The following AMPD2 variants were observed in gnomAD, a reference collection of about 807,000 sequenced individuals.
The protein encoded by AMPD2 is AMP deaminase 2.
AMPD2 carries 52 observed loss-of-function variants against 91.3 expected under a neutral mutation model. The observed-to-expected ratio is 0.57, with a 90% CI of 0.46 to 0.72. AMPD2 has a LOEUF of 0.72. Among genes scored for constraint, AMPD2 ranks in the 30% least tolerant of loss-of-function variants. The probability of loss-of-function intolerance (pLI) is 0.00; values close to 1 mark genes in which losing one functional copy is unlikely to be tolerated. For missense variants in AMPD2, 822 were observed against 1,122.3 expected (o/e 0.73, Z 3.82); for synonymous variants, 455 against 456.4 (o/e 1.00, Z 0.04).
At position 109,624,999 on chromosome 1, in the gene AMPD2, GAGATTCT is replaced by G. The variant is rs1485027892; in HGVS notation, c.92-303_92-297del. Among the ~76,000 whole-genome samples, 1 of 152,154 alleles carries G rather than the reference GAGATTCT, an allele frequency of 6.6e-6. No homozygotes were observed. Among genetic ancestry groups the G allele is most frequent in the East Asian group, 1.9e-4 (1 of 5,182 alleles). ...CCTGCCTCTGGGAGGTAGTCACGTG[GAGATTCT>G]CATGGCCTGAGGGATCAGGCTCTAG... On this transcript the variant is annotated intron_variant, in intron 2 of 18. Transcript: ENST00000528667. This position sits in a 1 kb window ranked among gnomAD's most constrained non-coding sequence, Gnocchi z 5.2.
chr1:109,620,002 T>A lies in AMPD2; in HGVS notation c.-539T>A, dbSNP rs1650110198. ...CCCGCTCCCTTGGGAGCACGTGGCC[T>A]ACCAGCCTCTCGATTGCAGGGTTGG... On this transcript the variant is annotated 5_prime_UTR_variant, in exon 1 of 19. Transcript: ENST00000528667. The A allele has an allele frequency of 1.9e-6, 1 of 521,208 alleles. No individual in the cohort carries two copies. The highest frequency in any genetic ancestry group is 3.5e-6 in the Non-Finnish European group (1 of 285,064). 32.3% of individuals were successfully genotyped at this position (521,208 alleles called of 1,614,324 possible).
In AMPD2 at chr1:109,626,850, T is replaced by A; in HGVS notation, c.656T>A (p.Leu219Gln). ...ACCACCCGCCGCTACCTGCAGCAGC[T>A]GGCTGAAAAGCCTCTGGAGACCCGG... ...CPTTRRYLQQ[L>Q]AEKPLETRTY... The change falls in exon 7 of 19, where the codon CTG becomes CAG. Residue 219 changes from leucine (L) to glutamine (Q), a missense_variant. Physicochemically the swap from Leu to Gln is moderately radical, Grantham distance 113. This residue lies in a region of AMPD2 where 240 missense variants were observed against 270.3 expected (regional missense o/e 0.89). Transcript: ENST00000528667. 5 of 1,613,926 alleles carry A rather than the reference T, an allele frequency of 3.1e-6. No homozygotes were observed. Among genetic ancestry groups the A allele is most frequent in the Non-Finnish European group, 4.2e-6 (5 of 1,179,918 alleles).
chr1:109,628,364 G>T lies in AMPD2; in HGVS notation c.1276G>T (p.Asp426Tyr). Residue 426 changes from aspartate (D) to tyrosine (Y), a missense_variant and splice_region_variant, in exon 12 of 19, where the codon GAC becomes TAC. Physicochemically the swap from Asp to Tyr is radical, Grantham distance 160. Coordinates refer to ENST00000528667, the MANE Select transcript of AMPD2 (RefSeq NM_001368809.2). The surrounding 1 kb of genome is among the most constrained non-coding windows in gnomAD (Gnocchi z 7.1). ...LSVDTLDVHA[D>Y]RNTFHRFDKF... ...ACCTGAGCCTTCCCATGTCCCCCAG[G>T]ACAGGAACACTTTCCATCGCTTTGA... 1 of 1,614,064 alleles carries T rather than the reference G, an allele frequency of 6.2e-7. No individual in the cohort carries two copies.
Position 109,625,956 on chromosome 1 carries a change from C to G in AMPD2, c.353+164C>G, listed in dbSNP as rs1001539693. The stretch of plus-strand genomic sequence containing the variant: ...GCTGGGTTCTGTTCTGTCTTCTAGC[C>G]GCCGGTGTGGCTGGGTCATGTTGCT... On this transcript the variant is annotated intron_variant, in intron 4 of 18. Coordinates refer to ENST00000528667, the MANE Select transcript of AMPD2 (RefSeq NM_001368809.2). The surrounding 1 kb of genome is among the most constrained non-coding windows in gnomAD (Gnocchi z 4.0). 1 of 1,251,422 alleles carries G rather than the reference C, an allele frequency of 8.0e-7. No individual in the cohort carries two copies. Among genetic ancestry groups the G allele is most frequent in the Non-Finnish European group, 1.1e-6 (1 of 901,120 alleles). The allele number at this position is 1,251,422 out of a possible 1,614,324, so 77.5% of individuals were successfully genotyped here. A position where few individuals can be genotyped will look rare whatever the true frequency, so the allele number is the denominator to read the frequency against.
Position 109,630,345 on chromosome 1 carries a change from T to C in AMPD2, c.2096T>C (p.Leu699Pro), listed in dbSNP as rs1651109697. 3.1e-6 allele frequency: 5 copies of C among 1,613,978 alleles called. No homozygotes were observed. The highest frequency in any genetic ancestry group is 4.2e-6 in the Non-Finnish European group (5 of 1,179,986). ...CACCGGAATCCGCTACCGGAGTACC[T>C]GTCCCGCGGCCTCATGGTCTCCCTG... Reference protein sequence around the residue: ...SYHRNPLPEYLSRGLMVSLST... With the variant: ...SYHRNPLPEYPSRGLMVSLST... The change falls in exon 17 of 19, where the codon CTG becomes CCG. Residue 699 changes from leucine to proline, a missense_variant. Around this residue, in one of 5 missense-constraint regions of AMPD2, gnomAD observed 430 missense variants for 606.0 expected, o/e 0.71. Transcript: ENST00000528667.
Position 109,625,625 on chromosome 1 carries a change from A to C in AMPD2, c.223-37A>C. ...TCTGTAGGAGAGTGCCCGAGGGCGG[A>C]GGGCCAGCCATGCTGACCTTCCTTC... is the stretch of plus-strand genomic sequence containing the variant. On this transcript the variant is annotated intron_variant, in intron 3 of 18. Coordinates refer to ENST00000528667, the MANE Select transcript of AMPD2 (RefSeq NM_001368809.2). The surrounding 1 kb of genome is among the most constrained non-coding windows in gnomAD (Gnocchi z 4.0). 6.2e-7 allele frequency: 1 copy of C among 1,609,942 alleles called. No individual in the cohort carries two copies. Among genetic ancestry groups the C allele is most frequent in the East Asian group, 2.2e-5 (1 of 44,746 alleles).
chr1:109,627,355 G>C (rs745451907), intron 8 of AMPD2, 39 bp downstream of exon 8: 1 of 1,612,286 alleles, frequency 6.2e-7, no homozygotes, highest in East Asian at 2.2e-5. Context: ...GATGCAGCGT[G>C]GGAGGTTGCG....
rs1399546877 is a variant in AMPD2, at chr1:109,630,708, TC to T, written c.2184del (p.Ile728MetfsTer23). The T allele has an allele frequency of 1.2e-6, 2 of 1,612,344 alleles. No homozygotes were observed. Among genetic ancestry groups the T allele is most frequent in the Non-Finnish European group, 1.7e-6 (2 of 1,179,594 alleles). The part of the protein sequence containing the change: ...TKEPLMEEYS[I>X]ATQVWKLSSC... Reference sequence around the variant, plus strand: ...GAGCCGCTGATGGAGGAGTACAGCATCGCCACCCAGGTGTGGAAGCTCAGCT... The same window carrying T: ...GAGCCGCTGATGGAGGAGTACAGCATGCCACCCAGGTGTGGAAGCTCAGCT... On this transcript the variant is annotated frameshift_variant, in exon 18 of 19. Transcript: ENST00000528667. LOFTEE classifies it high-confidence loss of function.
rs1650631203 is a variant in AMPD2 at position 109,625,871 on chromosome 1, C to G, written c.353+79C>G. ...CAGAGCCCCTTTTCTGCCTCTTTCC[C>G]TCGCACCCTGCCTTGGGGGGTCTGC... On this transcript the variant is annotated intron_variant, in intron 4 of 18. Transcript: ENST00000528667. The surrounding 1 kb of genome is among the most constrained non-coding windows in gnomAD (Gnocchi z 4.0). 1 of 1,578,698 alleles carries G rather than the reference C, an allele frequency of 6.3e-7. No individual in the cohort carries two copies. The highest frequency in any genetic ancestry group is 1.3e-5 in the African/African-American group (1 of 74,284).
chr1:109,622,803 C>T (rs1015247834), intron 2 of AMPD2, among the ~76,000 whole-genome samples: 3 of 152,046 alleles, frequency 2.0e-5, no homozygotes, highest in African/African-American at 7.2e-5. Flanking sequence ...CTCCTGCTGA[C>T]CCAATATGAA....
chr1:109,622,143 A>G, intron 2 of AMPD2: 1 of 454,064 alleles, frequency 2.2e-6, no homozygotes, highest in Non-Finnish European at 4.4e-6. Context: ...CTGTAGCTAT[A>G]GCCCAAGTAT....
Position 109,626,768 on chromosome 1 carries a change from C to T in AMPD2, c.574C>T (p.Arg192Trp), listed in dbSNP as rs762910071. 7.4e-6 allele frequency: 12 copies of T among 1,613,820 alleles called. No homozygotes were observed. The highest frequency in any genetic ancestry group is 3.3e-5 in the South Asian group (3 of 91,080). Residue 192 changes from arginine (R) to tryptophan (W), a missense_variant, in exon 7 of 19, where the codon CGG becomes TGG. Physicochemically the swap from Arg to Trp is moderately radical, Grantham distance 101 (BLOSUM62 -3). Transcript: ENST00000528667. ...DLLDAAKSVVRALFIREKYMA... is the reference protein window; with the variant it reads ...DLLDAAKSVVWALFIREKYMA... ...GCTGGATGCAGCCAAGAGTGTGGTGCGGGCGCTCTTCATCCGGGAGAAGTA... is the reference window on the plus strand; with the variant it reads ...GCTGGATGCAGCCAAGAGTGTGGTGTGGGCGCTCTTCATCCGGGAGAAGTA...
In AMPD2 at chr1:109,620,210, C is replaced by T; in HGVS notation, c.-331C>T. 5 of 1,613,626 alleles carry T rather than the reference C, an allele frequency of 3.1e-6. No homozygotes were observed. Among genetic ancestry groups the T allele is most frequent in the Non-Finnish European group, 2.5e-6 (3 of 1,179,588 alleles). The stretch of plus-strand genomic sequence containing the variant: ...CCGATCCCCCTGCCGTCCCTCAGGA[C>T]CCGGGCTTTCTGCTGTACAGACTTC... On this transcript the variant is annotated 5_prime_UTR_variant, in exon 1 of 19. Transcript: ENST00000528667.
At chr1:109,622,507 C>G (rs539871078) in intron 2 of AMPD2, among the ~76,000 whole-genome samples, 149 of 152,302 alleles carry the variant, frequency 9.8e-4, no homozygotes, top group Non-Finnish European at 1.7e-3. Context: ...GCAGCCCACT[C>G]TGGCTTTTGC....
Position 109,627,336 on chromosome 1 carries a change from T to C in AMPD2, c.860+20T>C, listed in dbSNP as rs1650787058. ...CGAGCAGTAAGAGGGGTGTGGTGCA[T>C]GTTGGGGGGATGCAGCGTGGGAGGT... On this transcript the variant is annotated intron_variant, in intron 8 of 18. Transcript: ENST00000528667. 1.9e-6 allele frequency: 3 copies of C among 1,609,718 alleles called. No individual in the cohort carries two copies. The highest frequency in any genetic ancestry group is 2.5e-6 in the Non-Finnish European group (3 of 1,177,120).
rs557313272 is a variant in AMPD2, at chr1:109,624,790, C to T, written c.92-513C>T. On this transcript the variant is annotated intron_variant, in intron 2 of 18. Transcript: ENST00000528667. This position sits in a 1 kb window ranked among gnomAD's most constrained non-coding sequence, Gnocchi z 5.2. ...CAGGTCTAGGATGTCAGGCACAGGG[C>T]CCTGCCCCTTTGAGTGGAGAATCTG... Among the ~76,000 whole-genome samples the T allele has an allele frequency of 6.6e-6, 1 of 152,298 alleles. No homozygotes were observed. Among genetic ancestry groups the T allele is most frequent in the Admixed American group, 6.5e-5 (1 of 15,304 alleles).
At chr1:109,620,430 T>A in intron 1 of AMPD2, 152 bp downstream of exon 1, 1 of 1,354,754 alleles carries the variant, frequency 7.4e-7, no homozygotes, top group Non-Finnish European at 1.0e-6. Context: ...AGAGCCAGAG[T>A]GTGCAGAGAC....
chr1:109,629,055 G>T (rs561994249), intron 13 of AMPD2, 54 bp from the exon 14 acceptor site: 2 of 1,600,542 alleles, frequency 1.2e-6, no homozygotes, highest in Admixed American at 3.4e-5. Flanking sequence ...GGACCGCTGG[G>T]TTTCCTCCCA....
At chr1:109,620,708 A>G (rs1650173479) in intron 1 of AMPD2, 2 of 1,219,044 alleles carry the variant, frequency 1.6e-6, no homozygotes, top group Non-Finnish European at 2.1e-6. Context: ...ACTGTGTTTG[A>G]GCTTGGACTC....
Sources: allele counts gnomAD v4.1 joint callset (sites outside exome capture counted in the v4.1 genomes callset), GRCh38; gene constraint gnomAD v4.1.1; regional missense constraint gnomAD v4.1.1; non-coding constraint Gnocchi (gnomAD v3.1); transcripts MANE v1.5; gene names NCBI Gene and HGNC (gene_info 2026-07-23, HGNC 2026-07-21).